The following NAV3 variants were observed in gnomAD, a reference collection of about 807,000 sequenced individuals.
The protein encoded by NAV3 is pore membrane and/or filament interacting like protein 1.
NAV3 carries 87 observed loss-of-function variants against 244.7 expected under a neutral mutation model. The observed-to-expected ratio is 0.36, with a 90% confidence interval of 0.30 to 0.42. The LOEUF (loss-of-function observed/expected upper bound fraction) is 0.42, where lower values mean the gene tolerates loss of function less well. Ranked by LOEUF, NAV3 falls within the 20% of genes least tolerant of loss-of-function variation. The probability of loss-of-function intolerance (pLI) is 1.00; values close to 1 mark genes in which losing one functional copy is unlikely to be tolerated. For synonymous variants in NAV3, 1,126 were observed against 1,042.2 expected, an observed-to-expected ratio of 1.08 and a Z score of -1.55; for missense variants, 2,663 against 2,893.3, an observed-to-expected ratio of 0.92 and a Z score of 1.83.
intron 2 of NAV3, among the ~76,000 whole-genome samples, chr12:77,626,752 A>C (rs1871645172): frequency 6.6e-6 from 1 of 152,204 alleles, no homozygotes; most frequent in African/African-American, 2.4e-5. Context: ...TTCCCCAGAC[A>C]AGGAAAAACA....
chr12:78,184,551 G>A (rs1169165207), intron 30 of NAV3, among the ~76,000 whole-genome samples: 2 of 151,778 alleles, frequency 1.3e-5, no homozygotes, highest in Non-Finnish European at 2.9e-5. Context: ...AGCTCTGAAA[G>A]TTGTTTTTAA....
At chr12:77,671,925 AGCTTCTGC>A (rs1429277309) in intron 2 of NAV3, among the ~76,000 whole-genome samples, 1 of 152,220 alleles carries the variant, frequency 6.6e-6, no homozygotes, top group African/African-American at 2.4e-5. Context: ...TAAACTAAAA[AGCTTCTGC>A]ACAGCAAAAT....
chr12:77,658,699 C>T (rs1165406129), intron 2 of NAV3, among the ~76,000 whole-genome samples: 2 of 152,080 alleles, frequency 1.3e-5, no homozygotes, highest in Non-Finnish European at 2.9e-5. Flanking sequence ...CGCTACCTGA[C>T]TTCAAACTAT....
At chr12:77,573,232 A>AACTAGTTAG (rs1476233610) in intron 2 of NAV3, among the ~76,000 whole-genome samples, 12 of 152,284 alleles carry the variant, frequency 7.9e-5, no homozygotes, top group Admixed American at 6.5e-4. Context: ...CCTGAAAAAC[A>AACTAGTTAG]ACTAGTTAGG....
At chr12:77,594,349 A>G (rs1400738890) in intron 2 of NAV3, among the ~76,000 whole-genome samples, 3 of 152,034 alleles carry the variant, frequency 2.0e-5, no homozygotes, top group Non-Finnish European at 2.9e-5. Flanking sequence ...CCCTCCTTCC[A>G]GGGCTTAAGT....
intron 22 of NAV3, among the ~76,000 whole-genome samples, chr12:78,155,247 C>T (rs1156874024): frequency 1.3e-5 from 2 of 152,090 alleles, no homozygotes; most frequent in Admixed American, 1.3e-4. Flanking sequence ...TCGTTCTACT[C>T]CCACTTATAA....
intron 2 of NAV3, among the ~76,000 whole-genome samples, chr12:77,634,243 A>T (rs1872054367): frequency 1.3e-5 from 2 of 152,106 alleles, no homozygotes; most frequent in African/African-American, 4.8e-5. Flanking sequence ...GGCTCTTTTA[A>T]TAACTTCTGA....
intron 2 of NAV3, among the ~76,000 whole-genome samples, chr12:77,756,734 A>G (rs1291004419): frequency 2.0e-5 from 3 of 152,198 alleles, no homozygotes; most frequent in African/African-American, 7.2e-5. Context: ...TAATAACTAA[A>G]GTATGAAATT....
intron 22 of NAV3, among the ~76,000 whole-genome samples, chr12:78,154,240 T>G (rs1182368568): frequency 1.0e-5 from 1 of 97,406 alleles, no homozygotes; most frequent in Non-Finnish European, 2.2e-5. Flanking sequence ...TGCACCTATA[T>G]ATTTATATAT....
chr12:77,900,518 C>T (rs1048288420), intron 1 of NAV3, among the ~76,000 whole-genome samples: 1 of 152,128 alleles, frequency 6.6e-6, no homozygotes, highest in Non-Finnish European at 1.5e-5. Flanking sequence ...TAGATGATTT[C>T]ATTATTTTTT....
chr12:77,602,082 C>G (rs1370535826), intron 2 of NAV3, among the ~76,000 whole-genome samples: 1 of 152,008 alleles, frequency 6.6e-6, no homozygotes, highest in East Asian at 1.9e-4. Context: ...ATAGGGAGTT[C>G]TGCAGTGTTG....
intron 2 of NAV3, among the ~76,000 whole-genome samples, chr12:77,816,377 C>T (rs1207313848): frequency 6.6e-6 from 1 of 152,178 alleles, no homozygotes; most frequent in Non-Finnish European, 1.5e-5. Context: ...GAAGTCACTG[C>T]TTTCAGTTTG....
chr12:77,709,137 G>T (rs562726515), intron 2 of NAV3, among the ~76,000 whole-genome samples: 1 of 152,094 alleles, frequency 6.6e-6, no homozygotes, highest in Non-Finnish European at 1.5e-5. Context: ...GGGATGCAAG[G>T]CTGGTTCAAC....
intron 1 of NAV3, among the ~76,000 whole-genome samples, chr12:77,844,061 G>A (rs1876192564): frequency 6.6e-6 from 1 of 152,164 alleles, no homozygotes; most frequent in Admixed American, 6.6e-5. Flanking sequence ...GAGTAATGTT[G>A]CTTTAATCAG....
intron 2 of NAV3, among the ~76,000 whole-genome samples, chr12:77,646,078 G>A (rs1043496063): frequency 2.0e-5 from 3 of 151,892 alleles, no homozygotes; most frequent in South Asian, 2.1e-4. Context: ...GTTTTGATAC[G>A]AGCTTCATGG....
intron 1 of NAV3, among the ~76,000 whole-genome samples, chr12:77,916,017 T>C (rs1440264369): frequency 6.6e-6 from 1 of 151,966 alleles, no homozygotes. Context: ...GGTTAGACAG[T>C]GATGGAATTG....
intron 2 of NAV3, among the ~76,000 whole-genome samples, chr12:77,623,692 C>T (rs1488169125): frequency 1.3e-5 from 2 of 152,134 alleles, no homozygotes; most frequent in African/African-American, 4.8e-5. Context: ...TACTAAAATG[C>T]CAGGATTTTC....
chr12:78,034,412 A>G (rs1205066465), intron 9 of NAV3, among the ~76,000 whole-genome samples: 1 of 152,234 alleles, frequency 6.6e-6, no homozygotes, highest in East Asian at 1.9e-4. Flanking sequence ...TCCGAGTCCA[A>G]CTGAATGAGC....
At chr12:77,792,383 T>C (rs905836747) in intron 2 of NAV3, among the ~76,000 whole-genome samples, 1 of 152,172 alleles carries the variant, frequency 6.6e-6, no homozygotes, top group African/African-American at 2.4e-5. Context: ...CCACCTACCA[T>C]GGTGCCCAAA....
Sources: allele counts gnomAD v4.1 joint callset (sites outside exome capture counted in the v4.1 genomes callset), GRCh38; gene constraint gnomAD v4.1.1; transcripts MANE v1.5; gene names NCBI Gene and HGNC (gene_info 2026-07-23, HGNC 2026-07-21).